Variants in EI24 observed in about 807,000 individuals in gnomAD.
EI24 encodes etoposide-induced protein 2.4 homolog.
A neutral mutation model predicts 48.6 loss-of-function variants in EI24; 21 were observed. The ratio of observed to expected loss-of-function variants is 0.43; its 90% CI spans 0.31 to 0.62. The LOEUF is 0.62. Among genes scored for constraint, EI24 ranks in the 20% least tolerant of loss-of-function variants. The pLI, the probability that EI24 is intolerant of heterozygous loss-of-function variation, is 0.10. For synonymous variants in EI24, 114 were observed against 145.5 expected (o/e 0.78, Z 1.56); for missense variants, 280 against 410.5 (o/e 0.68, Z 2.75).
Position 125,583,800 on chromosome 11 carries a change from G to A in EI24, c.*117G>A, listed in dbSNP as rs1352853673. The A allele has an allele frequency of 2.1e-5, 29 of 1,393,068 alleles. No homozygotes were observed. Among genetic ancestry groups the A allele is most frequent in the East Asian group, 1.5e-4 (6 of 39,688 alleles). The allele number at this position is 1,393,068 out of a possible 1,614,324, so 86.3% of individuals were successfully genotyped here. A position where few individuals can be genotyped will look rare whatever the true frequency, so the allele number is the denominator to read the frequency against. On this transcript the variant is annotated 3_prime_UTR_variant, in exon 11 of 11. Transcript: ENST00000278903. Reference sequence around the variant, plus strand: ...ACCCGCTCTGCCAAGGGCCCTCTGCGTATTCCCTTCTCTCTGAGGAATTGA... The same window carrying A: ...ACCCGCTCTGCCAAGGGCCCTCTGCATATTCCCTTCTCTCTGAGGAATTGA...
chr11:125,582,211 G>T, intron 9 of EI24, 135 bp from the exon 10 acceptor site: 1 of 789,170 alleles, frequency 1.3e-6, no homozygotes, highest in Non-Finnish European at 1.9e-6. Flanking sequence ...AAAAAAAAAT[G>T]TTTGAAATAT....
At chr11:125,582,322 TTTC>T in intron 9 of EI24, 21 bp from the exon 10 acceptor site, 3 of 1,506,690 alleles carry the variant, frequency 2.0e-6, no homozygotes, top group Non-Finnish European at 1.8e-6. Context: ...TGACTAATTA[TTTC>T]TTTTTTTTTT....
intron 6 of EI24, 108 bp downstream of exon 6, chr11:125,578,365 C>T: frequency 6.9e-7 from 1 of 1,448,468 alleles, no homozygotes; most frequent in East Asian, 2.3e-5. Flanking sequence ...TGTTTTTCAG[C>T]CTTAATGTTT....
chr11:125,575,211 A>G, intron 2 of EI24, 52 bp from the exon 3 acceptor site: 1 of 1,468,948 alleles, frequency 6.8e-7, no homozygotes, highest in Non-Finnish European at 9.1e-7. Context: ...TGGGTGACAA[A>G]GCAAGACCCT....
intron 8 of EI24, 47 bp downstream of exon 8, chr11:125,580,251 A>C: frequency 1.5e-6 from 2 of 1,357,704 alleles, no homozygotes; most frequent in Non-Finnish European, 2.1e-6. Context: ...CAGTTTGGAA[A>C]TGCTACTGCT....
At chr11:125,581,856 T>A (rs1939017958) in intron 9 of EI24, among the ~76,000 whole-genome samples, 1 of 151,756 alleles carries the variant, frequency 6.6e-6, no homozygotes, top group Non-Finnish European at 1.5e-5. Flanking sequence ...CCTGCAGCAA[T>A]GTTAAACATG....
chr11:125,571,866 G>A (rs1938546588), intron 1 of EI24, among the ~76,000 whole-genome samples: 1 of 152,148 alleles, frequency 6.6e-6, no homozygotes, highest in Non-Finnish European at 1.5e-5. Context: ...ACAAGAGCGA[G>A]ACTCTGTCTC....
At chr11:125,580,488 G>C (rs1443200908) in intron 8 of EI24, among the ~76,000 whole-genome samples, 1 of 152,190 alleles carries the variant, frequency 6.6e-6, no homozygotes, top group Non-Finnish European at 1.5e-5. Flanking sequence ...CTAAATTAGA[G>C]AAGTCAAATT....
chr11:125,572,512 G>A lies in EI24; in HGVS notation c.-16G>A. The A allele has an allele frequency of 6.2e-7, 1 of 1,613,414 alleles. No homozygotes were observed. The highest frequency in any genetic ancestry group is 8.5e-7 in the Non-Finnish European group (1 of 1,179,490). Reference sequence around the variant, plus strand: ...TTCTCTCTCCTGTGTGTAGTTGATAGTTTGGTGGTGAAGAGATGGCTGACA... The same window carrying A: ...TTCTCTCTCCTGTGTGTAGTTGATAATTTGGTGGTGAAGAGATGGCTGACA... On this transcript the variant is annotated 5_prime_UTR_variant, in exon 2 of 11. Transcript: ENST00000278903.
intron 1 of EI24, 37 bp downstream of exon 1, chr11:125,569,610 G>T (rs1020406303): frequency 8.4e-6 from 3 of 358,800 alleles, no homozygotes; most frequent in Non-Finnish European, 1.5e-5. Flanking sequence ...CCTCGGGGCC[G>T]CCGCGCCGCC....
At chr11:125,572,392 A>G (rs1207122072) in intron 1 of EI24, 66 bp from the exon 2 acceptor site, 2 of 763,760 alleles carry the variant, frequency 2.6e-6, no homozygotes, top group Non-Finnish European at 4.5e-6. Flanking sequence ...ATCATGTGGA[A>G]ATGTGCATGA....
At position 125,584,259 on chromosome 11, in the gene EI24, A is replaced by AAAAT. The variant is rs1555055547; in HGVS notation, c.*579_*580insTAAA. 2 of 135,698 alleles carry AAAAT rather than the reference A, an allele frequency of 1.5e-5. No homozygotes were observed. Among genetic ancestry groups the AAAAT allele is most frequent in the Non-Finnish European group, 3.2e-5 (2 of 62,018 alleles). The allele number at this position is 135,698 out of a possible 1,614,324, so 8.4% of individuals were successfully genotyped here. On this transcript the variant is annotated 3_prime_UTR_variant, in exon 11 of 11. Coordinates refer to ENST00000278903, the MANE Select transcript of EI24 (RefSeq NM_004879.5). ...AAAAAAAAAAAAAAAAAAAAAAAAA[A>AAAAT]AAAGCCTGAAGAGATGAGATAGGAG... is the stretch of plus-strand genomic sequence containing the variant.
At position 125,582,371 on chromosome 11, in the gene EI24, CCTTTA is replaced by C; in HGVS notation, c.812_816del (p.Pro271LeufsTer7). ...TGGCTGCCTTTTCTCTATCCTCTTT[CCTTTA>C]TTCATTATCAGCGCCAATGAAGCAA... On this transcript the variant is annotated frameshift_variant, in exon 10 of 11. Transcript: ENST00000278903. LOFTEE classifies it high-confidence loss of function. 8 of 1,583,146 alleles carry C rather than the reference CCTTTA, an allele frequency of 5.1e-6. No homozygotes were observed. Among genetic ancestry groups the C allele is most frequent in the Non-Finnish European group, 6.9e-6 (8 of 1,166,122 alleles).
intron 5 of EI24, 23 bp downstream of exon 5, chr11:125,577,593 G>C (rs1337824091): frequency 1.9e-6 from 3 of 1,598,206 alleles, no homozygotes; most frequent in Non-Finnish European, 2.6e-6. Context: ...CCTGCTCCTT[G>C]TCTGTTGGGG....
At position 125,584,243 on chromosome 11, in the gene EI24, A is replaced by AAAAAAAG; in HGVS notation, c.*566_*567insGAAAAAA. ...TTGCTCCACTGCAAAAAAAAAAAAA[A>AAAAAAAG]AAAAAAAAAAAAAAAAAAAGCCTGA... On this transcript the variant is annotated 3_prime_UTR_variant, in exon 11 of 11. Coordinates refer to ENST00000278903, the MANE Select transcript of EI24 (RefSeq NM_004879.5). 6.8e-6 allele frequency: 1 copy of AAAAAAAG among 146,606 alleles called. No homozygotes were observed. The highest frequency in any genetic ancestry group is 2.6e-5 in the African/African-American group (1 of 37,784). 9.1% of individuals were successfully genotyped at this position (146,606 alleles called of 1,614,324 possible).
In EI24 at chr11:125,578,933, A is replaced by T; in HGVS notation, c.442-16A>T. 1.3e-6 allele frequency: 2 copies of T among 1,564,658 alleles called. No individual in the cohort carries two copies. Among genetic ancestry groups the T allele is most frequent in the Non-Finnish European group, 1.7e-6 (2 of 1,153,338 alleles). The stretch of plus-strand genomic sequence containing the variant: ...GGCCATTTAATTCATGTTTTGGTAC[A>T]CTTTCTCTGTTACAGGATATAGCTG... On this transcript the variant is annotated splice_polypyrimidine_tract_variant and intron_variant, in intron 6 of 10. Transcript: ENST00000278903.
In EI24 at chr11:125,584,027, T is replaced by C. The variant is rs769544996; in HGVS notation, c.*344T>C. 9.2e-5 allele frequency: 24 copies of C among 260,356 alleles called. No homozygotes were observed. Among genetic ancestry groups the C allele is most frequent in the Non-Finnish European group, 1.7e-4 (23 of 132,916 alleles). The allele number at this position is 260,356 out of a possible 1,614,324, so 16.1% of individuals were successfully genotyped here. ...CCTTCCACCTTTCCATCCTGCCTTC[T>C]ACCACCCTTGGATGAATGGATTTTG... On this transcript the variant is annotated 3_prime_UTR_variant, in exon 11 of 11. Coordinates refer to ENST00000278903, the MANE Select transcript of EI24 (RefSeq NM_004879.5).
rs1939155203 is a variant in EI24 at position 125,584,484 on chromosome 11, T to C, written c.*801T>C. Reference sequence around the variant, plus strand: ...GTGGTGGGAGGCAGCGGGCAGAAATTTACTGTTGGCCACTGCCAGGTCTAT... The same window carrying C: ...GTGGTGGGAGGCAGCGGGCAGAAATCTACTGTTGGCCACTGCCAGGTCTAT... On this transcript the variant is annotated 3_prime_UTR_variant, in exon 11 of 11. Coordinates refer to ENST00000278903, the MANE Select transcript of EI24 (RefSeq NM_004879.5). The C allele has an allele frequency of 1.3e-5, 2 of 152,598 alleles. No individual in the cohort carries two copies. Among genetic ancestry groups the C allele is most frequent in the South Asian group, 4.1e-4 (2 of 4,826 alleles). The allele number at this position is 152,598 out of a possible 1,614,324, so 9.5% of individuals were successfully genotyped here. A position where few individuals can be genotyped will look rare whatever the true frequency, so the allele number is the denominator to read the frequency against.
chr11:125,580,321 C>A, intron 8 of EI24, 117 bp downstream of exon 8: 4 of 766,986 alleles, frequency 5.2e-6, no homozygotes, highest in Middle Eastern at 2.5e-4. Flanking sequence ...TTGAGGGAAG[C>A]AGCCTCATTG....
Sources: allele counts gnomAD v4.1 joint callset (sites outside exome capture counted in the v4.1 genomes callset), GRCh38; gene constraint gnomAD v4.1.1; transcripts MANE v1.5; gene names NCBI Gene and HGNC (gene_info 2026-07-23, HGNC 2026-07-21).